Variants in STON2 observed in about 807,000 individuals in gnomAD.
STON2 encodes stonin 2, also known as stonin-2.
STON2 carries 29 observed loss-of-function variants against 65.7 expected under a neutral mutation model. The ratio of observed to expected loss-of-function variants is 0.44; its 90% CI spans 0.33 to 0.60. The LOEUF (loss-of-function observed/expected upper bound fraction) is 0.60. STON2 is among the 20% of genes least tolerant of loss of function. The probability of loss-of-function intolerance (pLI) is 0.03; values close to 1 mark genes in which losing one functional copy is unlikely to be tolerated. For missense variants in STON2, 1,054 were observed against 1,118.1 expected (o/e 0.94, Z 0.82); for synonymous variants, 404 against 414.2 (o/e 0.98, Z 0.30).
chr14:81,355,918 G>C lies in STON2; in HGVS notation c.571+15070C>G, dbSNP rs1898210864. ...TAAGGAGATTTTGGGCTGAGACAAT[G>C]GGGTTTTCTAGATATACAATCATGT... On this transcript the variant is annotated intron_variant, in intron 4 of 7. Transcript: ENST00000614646. Among the ~76,000 whole-genome samples, 8 of 152,168 alleles carry C rather than the reference G, an allele frequency of 5.3e-5. No homozygotes were observed. In the South Asian group the frequency reaches 1.7e-3, roughly 32 times the overall value.
chr14:81,432,793 C>G (rs541227106), intron 1 of STON2, among the ~76,000 whole-genome samples: 1 of 152,266 alleles, frequency 6.6e-6, no homozygotes, highest in Non-Finnish European at 1.5e-5. Context: ...GCTACTCTTA[C>G]AGAGCCTACT....
chr14:81,317,608 C>T (rs1040991252), intron 5 of STON2, among the ~76,000 whole-genome samples: 4 of 152,148 alleles, frequency 2.6e-5, no homozygotes, highest in African/African-American at 9.7e-5. Context: ...GAAAGATGTG[C>T]CATCGGGAAG....
rs1015031566 is a variant in STON2 at position 81,387,760 on chromosome 14, C to T, written c.373+8134G>A. On this transcript the variant is annotated intron_variant, in intron 3 of 7. Transcript: ENST00000614646. ...TACAAAAATTAGCCAGGCATGGTGG[C>T]GGGTGCCTGTAGTCCCAGTAACTCA... Among the ~76,000 whole-genome samples, 13 of 151,072 alleles carry T rather than the reference C, an allele frequency of 8.6e-5. No individual in the cohort carries two copies. In the East Asian group the frequency reaches 1.4e-3, roughly 17 times the overall value.
chr14:81,290,032 T>C (rs1895493528), intron 5 of STON2, among the ~76,000 whole-genome samples: 1 of 152,214 alleles, frequency 6.6e-6, no homozygotes, highest in South Asian at 2.1e-4. Flanking sequence ...CTTCAATATA[T>C]GGGTCTACTT....
In STON2 at chr14:81,289,058, A is replaced by G. The variant is rs979619854; in HGVS notation, c.743-10319T>C. Reference sequence around the variant, plus strand: ...CATCCTCACTATTCACCTGCCCACCAGGTGAACACACCCCAGCAACAACGC... The same window carrying G: ...CATCCTCACTATTCACCTGCCCACCGGGTGAACACACCCCAGCAACAACGC... On this transcript the variant is annotated intron_variant, in intron 5 of 7. Coordinates refer to ENST00000614646, the MANE Select transcript of STON2 (RefSeq NM_001394390.1). 5.3e-5 allele frequency among the ~76,000 whole-genome samples: 8 copies of G among 152,188 alleles called. No individual in the cohort carries two copies. In the East Asian group the frequency reaches 1.5e-3, roughly 29 times the overall value.
chr14:81,382,736 A>G (rs570213980), intron 3 of STON2, among the ~76,000 whole-genome samples: 97 of 152,358 alleles, frequency 6.4e-4, no homozygotes, highest in Non-Finnish European at 1.1e-3. Context: ...TTAAAACCAC[A>G]TATCAAAAAA....
intron 4 of STON2, among the ~76,000 whole-genome samples, chr14:81,325,712 A>G (rs1896982411): frequency 6.6e-6 from 1 of 152,164 alleles, no homozygotes; most frequent in Non-Finnish European, 1.5e-5. Flanking sequence ...TTAATGATAC[A>G]TTTGAGATTT....
chr14:81,304,086 G>A (rs756256359), intron 5 of STON2, among the ~76,000 whole-genome samples: 19 of 152,126 alleles, frequency 1.2e-4, no homozygotes, highest in Non-Finnish European at 1.0e-4. Flanking sequence ...TATCGGCATC[G>A]CTCATTTGGA....
chr14:81,373,770 A>G (rs1899115217), intron 3 of STON2, among the ~76,000 whole-genome samples: 1 of 152,178 alleles, frequency 6.6e-6, no homozygotes, highest in Non-Finnish European at 1.5e-5. Flanking sequence ...AGTTAGAAAT[A>G]ACCTCCACCC....
chr14:81,287,875 C>G (rs1309595889), intron 5 of STON2, among the ~76,000 whole-genome samples: 1 of 152,134 alleles, frequency 6.6e-6, no homozygotes. Flanking sequence ...ATGTGCCTTT[C>G]TGATATCCGT....
At chr14:81,354,834 T>C (rs891120267) in intron 4 of STON2, among the ~76,000 whole-genome samples, 19 of 151,928 alleles carry the variant, frequency 1.3e-4, no homozygotes, top group African/African-American at 4.4e-4. Context: ...CTGGGCAACA[T>C]GGTGAAGCCC....
chr14:81,326,419 T>A lies in STON2; in HGVS notation c.572-2232A>T, dbSNP rs185833415. ...TCATACAACCCCTCCTTTTTACTGA[T>A]GATGGAAAGAATATCCAGAAGATTG... On this transcript the variant is annotated intron_variant, in intron 4 of 7. Transcript: ENST00000614646. Among the ~76,000 whole-genome samples the A allele has an allele frequency of 2.6e-5, 4 of 152,286 alleles. No individual in the cohort carries two copies. In the East Asian group the frequency reaches 7.7e-4, roughly 29 times the overall value.
Position 81,264,960 on chromosome 14 carries a change from C to T in STON2, c.*3454G>A, listed in dbSNP as rs1341851131. On this transcript the variant is annotated 3_prime_UTR_variant, in exon 8 of 8. Transcript: ENST00000614646. ...CAGGCCCTAGACTCAAAAGAAAGCA[C>T]AGCTCTTGATACCACGTGATATCTA... 2.0e-6 allele frequency: 2 copies of T among 985,130 alleles called. No individual in the cohort carries two copies. Among genetic ancestry groups the T allele is most frequent in the Non-Finnish European group, 2.4e-6 (2 of 829,886 alleles). The allele number at this position is 985,130 out of a possible 1,614,324, so 61.0% of individuals were successfully genotyped here. A position where few individuals can be genotyped will look rare whatever the true frequency, so the allele number is the denominator to read the frequency against.
intron 3 of STON2, among the ~76,000 whole-genome samples, chr14:81,393,405 GAGCAGC>G (rs112592030): frequency 1.3e-5 from 2 of 151,858 alleles, no homozygotes; most frequent in South Asian, 2.1e-4. Flanking sequence ...GAGGATACTA[GAGCAGC>G]AGCAGCAGCA....
At position 81,265,164 on chromosome 14, in the gene STON2, T is replaced by C. The variant is rs1484845279; in HGVS notation, c.*3250A>G. The C allele has an allele frequency of 2.0e-6, 2 of 985,204 alleles. No homozygotes were observed. Among genetic ancestry groups the C allele is most frequent in the Admixed American group, 6.2e-5 (1 of 16,260 alleles). The allele number at this position is 985,204 out of a possible 1,614,324, so 61.0% of individuals were successfully genotyped here. A position where few individuals can be genotyped will look rare whatever the true frequency, so the allele number is the denominator to read the frequency against. ...GTAATTTGCCCAACTGTTTTCTATGTAGGTTATTACATAGCTAATTTGCCC... is the reference window on the plus strand; with the variant it reads ...GTAATTTGCCCAACTGTTTTCTATGCAGGTTATTACATAGCTAATTTGCCC... On this transcript the variant is annotated 3_prime_UTR_variant, in exon 8 of 8. Coordinates refer to ENST00000614646, the MANE Select transcript of STON2 (RefSeq NM_001394390.1).
At position 81,277,222 on chromosome 14, in the gene STON2, T is replaced by C; in HGVS notation, c.2260A>G (p.Asn754Asp). The C allele has an allele frequency of 6.2e-7, 1 of 1,614,192 alleles. No homozygotes were observed. Among genetic ancestry groups the C allele is most frequent in the Non-Finnish European group, 8.5e-7 (1 of 1,180,038 alleles). ...PFTLRTATSV[N>D]GAEVEVQSWL... is the part of the protein sequence containing the mutation. ...CTCTGCACCTCCACCTCTGCCCCAT[T>C]GACACTTGTGGCCGTCCTGAGTGTG... The change falls in exon 6 of 8, where the codon AAT (asparagine) becomes GAT (aspartate). Residue 754 changes from asparagine (N) to aspartate (D), a missense_variant. Asn to Asp is a conservative substitution (Grantham distance 23, BLOSUM62 1). Coordinates refer to ENST00000614646, the MANE Select transcript of STON2 (RefSeq NM_001394390.1).
chr14:81,347,979 T>A (rs1897882843), intron 4 of STON2, among the ~76,000 whole-genome samples: 1 of 132,428 alleles, frequency 7.6e-6, no homozygotes, highest in African/African-American at 2.8e-5. Context: ...CACGTGCAAA[T>A]CAAGAAATAT....
At chr14:81,415,106 T>C (rs1901362062) in intron 2 of STON2, among the ~76,000 whole-genome samples, 2 of 152,134 alleles carry the variant, frequency 1.3e-5, no homozygotes, top group South Asian at 4.1e-4. Context: ...GGAGTGGCTC[T>C]CACTTTGCTG....
At chr14:81,393,734 T>G (rs1900188202) in intron 3 of STON2, among the ~76,000 whole-genome samples, 1 of 152,188 alleles carries the variant, frequency 6.6e-6, no homozygotes, top group Non-Finnish European at 1.5e-5. Context: ...ATTATTTCTG[T>G]GCTCATTCAC....
Sources: gnomAD v4.1 joint callset for allele counts (sites outside exome capture counted in the v4.1 genomes callset) on GRCh38, gnomAD v4.1.1 for gene constraint, MANE v1.5 for transcripts, NCBI Gene and HGNC (gene_info 2026-07-23, HGNC 2026-07-21) for gene names.